UGT1A8: variants seen among roughly 807,000 people sequenced by gnomAD.
UGT1A8 encodes UDP glucuronosyltransferase family 1 member A8.
In UGT1A8, 39 loss-of-function variants were observed where a neutral mutation model predicts 45.3. That is an observed-to-expected ratio of 0.86 (90% CI 0.67 to 1.12). The LOEUF is 1.12. Ranked by LOEUF, UGT1A8 falls within the 50% of genes most tolerant of loss-of-function variation. UGT1A8 has a pLI of 0.00. For synonymous variants in UGT1A8, 275 were observed against 249.2 expected (o/e 1.10, Z -0.97); for missense variants, 719 against 664.9 (o/e 1.08, Z -0.90).
intron 1 of UGT1A8, among the ~76,000 whole-genome samples, chr2:233,679,210 T>C (rs2074444802): frequency 6.6e-6 from 1 of 152,340 alleles, no homozygotes; most frequent in Non-Finnish European, 1.5e-5. Flanking sequence ...TTGTGGGTTC[T>C]GGGTGGCTAG....
intron 1 of UGT1A8, chr2:233,713,262 C>T (rs776921440): frequency 1.6e-5 from 26 of 1,614,198 alleles, no homozygotes; most frequent in East Asian, 6.7e-5. Flanking sequence ...CGAATTTGAT[C>T]GCCTTTTGCT....
chr2:233,706,256 G>A (rs1203609602), intron 1 of UGT1A8, among the ~76,000 whole-genome samples: 2 of 152,248 alleles, frequency 1.3e-5, no homozygotes, highest in African/African-American at 4.8e-5. Context: ...AACCAGGGCA[G>A]CTGGATTGCC....
intron 1 of UGT1A8, among the ~76,000 whole-genome samples, chr2:233,761,308 T>C (rs72551346): frequency 6.6e-6 from 1 of 152,246 alleles, no homozygotes; most frequent in Non-Finnish European, 1.5e-5. Context: ...GAGTCTGTCT[T>C]TGGCATCATC....
chr2:233,637,282 C>A (rs61748821), intron 1 of UGT1A8: 1 of 1,613,936 alleles, frequency 6.2e-7, no homozygotes, highest in Non-Finnish European at 8.5e-7. Flanking sequence ...TTGGTTGTTG[C>A]GAACGGACTT....
chr2:233,762,963 G>A (rs1465614269), intron 1 of UGT1A8, among the ~76,000 whole-genome samples: 1 of 152,144 alleles, frequency 6.6e-6, no homozygotes, highest in East Asian at 1.9e-4. Flanking sequence ...TAGGAAAGAT[G>A]CCCGTCTTGC....
At chr2:233,671,235 T>C (rs925269185) in intron 1 of UGT1A8, among the ~76,000 whole-genome samples, 1 of 152,136 alleles carries the variant, frequency 6.6e-6, no homozygotes, top group Non-Finnish European at 1.5e-5. Context: ...CTCGCAAGGA[T>C]TGGGCGGGCA....
intron 1 of UGT1A8, among the ~76,000 whole-genome samples, chr2:233,727,538 C>T (rs1400378467): frequency 2.6e-5 from 4 of 152,150 alleles, no homozygotes; most frequent in African/African-American, 7.2e-5. Context: ...CAGGCGTGTT[C>T]CACCCGTCAC....
intron 1 of UGT1A8, chr2:233,713,556 A>G: frequency 1.2e-6 from 2 of 1,613,994 alleles, no homozygotes; most frequent in South Asian, 1.1e-5. Context: ...ACAGTGTCCA[A>G]ACCCTTCCTC....
At chr2:233,636,997 A>T in intron 1 of UGT1A8, 1 of 1,614,004 alleles carries the variant, frequency 6.2e-7, no homozygotes. Context: ...AATTGTTGCT[A>T]AATATTTCTC....
chr2:233,637,630 G>C (rs2073334354), intron 1 of UGT1A8, among the ~76,000 whole-genome samples: 1 of 151,998 alleles, frequency 6.6e-6, no homozygotes, highest in African/African-American at 2.4e-5. Context: ...ACGATGTTTA[G>C]AAAAGTACCA....
At position 233,618,204 on chromosome 2, in the gene UGT1A8, T is replaced by C. The variant is rs779999269; in HGVS notation, c.497T>C (p.Val166Ala). The C allele has an allele frequency of 5.4e-5, 87 of 1,613,942 alleles. No homozygotes were observed. The highest frequency in any genetic ancestry group is 6.6e-5 in the Non-Finnish European group (78 of 1,179,968). ...IVAKYFSLPS[V>A]VFARGIACHY... ...GCCAAATATTTCTCCCTCCCCTCTG[T>C]GGTCTTCGCCAGGGGAATAGCTTGC... The change falls in exon 1 of 5, where the codon GTG becomes GCG. Residue 166 changes from valine (V) to alanine (A), a missense_variant. Transcript: ENST00000373450.
chr2:233,767,286 C>G, intron 2 of UGT1A8, 121 bp downstream of exon 2: 1 of 1,568,700 alleles, frequency 6.4e-7, no homozygotes, highest in African/African-American at 1.4e-5. Context: ...CCTGCCACTT[C>G]CCAACTATTA....
In UGT1A8 at chr2:233,768,364, G is replaced by C; in HGVS notation, c.1220G>C (p.Gly407Ala). ...AAGCGCATGGAGACTAAGGGAGCTG[G>C]AGTGACCCTGAATGTTCTGGAAATG... is the stretch of plus-strand genomic sequence containing the variant. ...NAKRMETKGAGVTLNVLEMTS... is the reference protein window; with the variant it reads ...NAKRMETKGAAVTLNVLEMTS... The change falls in exon 4 of 5, where the codon GGA (glycine) becomes GCA (alanine). Residue 407 changes from glycine (G) to alanine (A), a missense_variant. Physicochemically the swap from Gly to Ala is moderately conservative, Grantham distance 60. Transcript: ENST00000373450. 2 of 1,614,172 alleles carry C rather than the reference G, an allele frequency of 1.2e-6. No homozygotes were observed. The highest frequency in any genetic ancestry group is 1.7e-6 in the Non-Finnish European group (2 of 1,180,034).
intron 1 of UGT1A8, among the ~76,000 whole-genome samples, chr2:233,722,767 A>G (rs2077035171): frequency 6.6e-6 from 1 of 151,610 alleles, no homozygotes; most frequent in Non-Finnish European, 1.5e-5. Flanking sequence ...CTGTTACCTA[A>G]TTCTGATATT....
At chr2:233,736,092 T>A (rs2078731726) in intron 1 of UGT1A8, among the ~76,000 whole-genome samples, 1 of 152,262 alleles carries the variant, frequency 6.6e-6, no homozygotes. Flanking sequence ...CTGGATAATA[T>A]CCTGAAGAGT....
rs368518074 is a variant in UGT1A8, at chr2:233,743,691, C to A, written c.856-23343C>A. On this transcript the variant is annotated intron_variant, in intron 1 of 4. Coordinates refer to ENST00000373450, the MANE Select transcript of UGT1A8 (RefSeq NM_019076.5). The stretch of plus-strand genomic sequence containing the variant: ...TCGAAGGGCCTGCCGCCTGTGCAGC[C>A]GCCCTCCGCCCCCGCCTCGCCATAG... 5.1e-6 allele frequency: 7 copies of A among 1,367,238 alleles called. No individual in the cohort carries two copies. In the South Asian group the frequency reaches 7.9e-5, roughly 16 times the overall value. 84.7% of individuals were successfully genotyped at this position (1,367,238 alleles called of 1,614,324 possible).
At chr2:233,662,817 GTTT>G (rs34052709) in intron 1 of UGT1A8, among the ~76,000 whole-genome samples, 1 of 139,376 alleles carries the variant, frequency 7.2e-6, no homozygotes. Context: ...TTTGCTGAGA[GTTT>G]TTTTTTTTTT....
intron 1 of UGT1A8, among the ~76,000 whole-genome samples, chr2:233,634,474 T>C (rs1334536150): frequency 6.6e-6 from 1 of 151,890 alleles, no homozygotes; most frequent in Non-Finnish European, 1.5e-5. Context: ...AAGAACTTGC[T>C]TTATGGGTGC....
At chr2:233,697,870 T>C (rs568003090) in intron 1 of UGT1A8, among the ~76,000 whole-genome samples, 274 of 152,348 alleles carry the variant, frequency 1.8e-3, no homozygotes, top group African/African-American at 6.4e-3. Context: ...ATTTATTTAA[T>C]GATTTCTTAC....
Sources: gnomAD v4.1 joint callset for allele counts (sites outside exome capture counted in the v4.1 genomes callset) on GRCh38, gnomAD v4.1.1 for gene constraint, MANE v1.5 for transcripts, NCBI Gene and HGNC (gene_info 2026-07-23, HGNC 2026-07-21) for gene names.